LAMA2: variants seen among roughly 807,000 people sequenced by gnomAD.
LAMA2 encodes the protein laminin subunit alpha-2.
Under a neutral mutation model 364.8 loss-of-function variants are expected in LAMA2, and 269 were observed. That is an observed-to-expected ratio of 0.74 (90% CI 0.67 to 0.82). The LOEUF (loss-of-function observed/expected upper bound fraction) is 0.82. Ranked by LOEUF, LAMA2 falls within the 40% of genes least tolerant of loss-of-function variation. LAMA2 has a pLI of 0.00. For synonymous variants in LAMA2, 1,379 were observed against 1,370.6 expected (o/e 1.01, Z -0.14); for missense variants, 3,807 against 3,873.2 (o/e 0.98, Z 0.45).
chr6:128,948,484 CA>C (rs1278293635), intron 1 of LAMA2, among the ~76,000 whole-genome samples: 1 of 152,134 alleles, frequency 6.6e-6, no homozygotes, highest in East Asian at 1.9e-4. Flanking sequence ...TCCAGCCACA[CA>C]AAAAACACAC....
intron 35 of LAMA2, among the ~76,000 whole-genome samples, chr6:129,386,085 C>T (rs1225419098): frequency 6.6e-5 from 10 of 151,508 alleles, no homozygotes; most frequent in Non-Finnish European, 1.3e-4. Context: ...TTTTTTTTTA[C>T]CTGTAGTGCT....
intron 1 of LAMA2, among the ~76,000 whole-genome samples, chr6:128,983,953 ATATT>A (rs933038843): frequency 7.1e-4 from 108 of 152,260 alleles, no homozygotes; most frequent in Middle Eastern, 3.4e-3. Context: ...AATATTAATG[ATATT>A]TATTTAGTGT....
chr6:129,098,150 T>C (rs748114566), intron 3 of LAMA2, 23 bp from the exon 4 acceptor site: 2 of 1,608,768 alleles, frequency 1.2e-6, no homozygotes, highest in South Asian at 1.1e-5. Context: ...TTCAATGTTA[T>C]TGTTGTTGTT....
At chr6:129,182,783 A>G (rs1781006798) in intron 10 of LAMA2, among the ~76,000 whole-genome samples, 1 of 151,796 alleles carries the variant, frequency 6.6e-6, no homozygotes, top group Non-Finnish European at 1.5e-5. Flanking sequence ...AATGAGATTC[A>G]TTTGTATCTA....
At chr6:129,155,927 T>C (rs1779085824) in intron 8 of LAMA2, among the ~76,000 whole-genome samples, 1 of 152,004 alleles carries the variant, frequency 6.6e-6, no homozygotes, top group African/African-American at 2.4e-5. Context: ...TTAGACTCTA[T>C]ATACAAATAT....
chr6:128,982,865 G>T (rs1035163603), intron 1 of LAMA2, among the ~76,000 whole-genome samples: 21 of 148,724 alleles, frequency 1.4e-4, no homozygotes, highest in African/African-American at 5.0e-4. Flanking sequence ...TGCGGTGTTT[G>T]GTTTTTTGTC....
intron 28 of LAMA2, among the ~76,000 whole-genome samples, chr6:129,323,803 T>A (rs1775110530): frequency 6.6e-6 from 1 of 152,212 alleles, no homozygotes; most frequent in Admixed American, 6.5e-5. Flanking sequence ...AATCAGAAAT[T>A]TGTCAATGAT....
intron 12 of LAMA2, among the ~76,000 whole-genome samples, chr6:129,207,990 T>C (rs1583252833): frequency 6.6e-6 from 1 of 152,318 alleles, no homozygotes; most frequent in East Asian, 1.9e-4. Flanking sequence ...TATTATATAA[T>C]AGTTTTGGAT....
intron 51 of LAMA2, among the ~76,000 whole-genome samples, chr6:129,467,433 C>T (rs368533310): frequency 8.6e-5 from 13 of 151,694 alleles, no homozygotes; most frequent in Non-Finnish European, 1.5e-4. Context: ...GTGATGGGTC[C>T]ACTAGAAGCC....
Position 129,130,988 on chromosome 6 carries a change from C to T in LAMA2, c.640-12913C>T, listed in dbSNP as rs1777439784. Among the ~76,000 whole-genome samples the T allele has an allele frequency of 2.0e-5, 3 of 152,154 alleles. No individual in the cohort carries two copies. The South Asian group carries it at 6.2e-4, about 31-fold the overall frequency. On this transcript the variant is annotated intron_variant, in intron 4 of 64. Coordinates refer to ENST00000421865, the MANE Select transcript of LAMA2 (RefSeq NM_000426.4). ...ACATTCATTATAATTTTCCTAATTA[C>T]ACTCCCTTTTCTTTTTGCTAAGAAA... is the stretch of plus-strand genomic sequence containing the variant.
intron 1 of LAMA2, chr6:128,905,530 A>G (rs1777388143): frequency 6.6e-6 from 1 of 152,170 alleles, no homozygotes; most frequent in African/African-American, 2.4e-5. Flanking sequence ...ACAGGAAGAT[A>G]TTTAGAGTAT....
intron 17 of LAMA2, among the ~76,000 whole-genome samples, chr6:129,271,403 T>C (rs1172117985): frequency 6.6e-6 from 1 of 151,676 alleles, no homozygotes; most frequent in Non-Finnish European, 1.5e-5. Context: ...GGGCAGCCTC[T>C]CTCAGTAAAC....
chr6:129,313,017 C>T lies in LAMA2; in HGVS notation c.3331C>T (p.Pro1111Ser), dbSNP rs1186156104. 6.2e-7 allele frequency: 1 copy of T among 1,614,194 alleles called. No homozygotes were observed. The highest frequency in any genetic ancestry group is 8.5e-7 in the Non-Finnish European group (1 of 1,180,026). ...CTGCAATCTCTGTGACTGCTTCCTC[C>T]CTGGGACAGATGCCACAACCTGTGA... is the stretch of plus-strand genomic sequence containing the variant. Reference protein sequence around the residue: ...PRCNLCDCFLPGTDATTCDSE... With the variant: ...PRCNLCDCFLSGTDATTCDSE... The change falls in exon 23 of 65, where the codon CCT becomes TCT. Residue 1111 changes from proline to serine, a missense_variant. Pro to Ser is a moderately conservative substitution (Grantham distance 74, BLOSUM62 -1). This residue lies in a region of LAMA2 where 3,333 missense variants were observed against 3,345.7 expected (regional missense o/e 1.00). Coordinates refer to ENST00000421865, the MANE Select transcript of LAMA2 (RefSeq NM_000426.4).
chr6:129,114,396 G>T (rs1322193917), intron 4 of LAMA2, among the ~76,000 whole-genome samples: 3 of 151,994 alleles, frequency 2.0e-5, no homozygotes, highest in Non-Finnish European at 4.4e-5. Flanking sequence ...AGACTGCAAG[G>T]TTAAAGAACA....
At chr6:128,957,788 C>A (rs912579783) in intron 1 of LAMA2, among the ~76,000 whole-genome samples, 5 of 140,380 alleles carry the variant, frequency 3.6e-5, no homozygotes, top group Admixed American at 1.5e-4. Flanking sequence ...GCTCATCATC[C>A]TTTAAGTATA....
intron 38 of LAMA2, among the ~76,000 whole-genome samples, chr6:129,401,712 A>C (rs1330799557): frequency 3.3e-5 from 5 of 152,246 alleles, no homozygotes; most frequent in African/African-American, 1.2e-4. Flanking sequence ...AATGCATTAC[A>C]TAGAGTGATA....
intron 6 of LAMA2, among the ~76,000 whole-genome samples, chr6:129,148,448 G>T (rs557309483): frequency 6.6e-6 from 1 of 152,096 alleles, no homozygotes; most frequent in African/African-American, 2.4e-5. Flanking sequence ...GTGTTTCCCA[G>T]GCTTTAAAAG....
chr6:129,462,059 A>G (rs1783281160), intron 49 of LAMA2, among the ~76,000 whole-genome samples: 1 of 152,048 alleles, frequency 6.6e-6, no homozygotes, highest in African/African-American at 2.4e-5. Context: ...AAAAGAGGAG[A>G]TAGCAGAAGA....
chr6:128,962,723 A>G (rs1781611699), intron 1 of LAMA2, among the ~76,000 whole-genome samples: 1 of 152,212 alleles, frequency 6.6e-6, no homozygotes, highest in South Asian at 2.1e-4. Flanking sequence ...ACCTCTGGGT[A>G]CTAAAGAAGT....
Sources: allele counts gnomAD v4.1 joint callset (sites outside exome capture counted in the v4.1 genomes callset), GRCh38; gene constraint gnomAD v4.1.1; regional missense constraint gnomAD v4.1.1; transcripts MANE v1.5; gene names NCBI Gene and HGNC (gene_info 2026-07-23, HGNC 2026-07-21).